MAP3K1: variants seen among roughly 807,000 people sequenced by gnomAD.
MAP3K1 encodes the protein MAP/ERK kinase kinase 1.
A neutral mutation model predicts 144.2 loss-of-function variants in MAP3K1; 36 were observed. The ratio of observed to expected loss-of-function variants is 0.25; its 90% CI spans 0.19 to 0.33. The LOEUF (loss-of-function observed/expected upper bound fraction) is 0.33, where lower values mean the gene tolerates loss of function less well. Ranked by LOEUF, MAP3K1 falls within the 10% of genes least tolerant of loss-of-function variation. MAP3K1 has a pLI of 1.00. For missense variants in MAP3K1, 1,650 were observed against 1,881.9 expected (o/e 0.88, Z 2.28); for synonymous variants, 718 against 688.7 (o/e 1.04, Z -0.67).
At position 56,859,853 on chromosome 5, in the gene MAP3K1, T is replaced by G; in HGVS notation, c.772T>G (p.Ser258Ala). ...RRSPSPGNSP[S>A]GRTVKSESPG... ...CAGTCCTTCTCCTGGCAACTCCCCA[T>G]CAGGTCGCACAGTGAAATCAGAATC... Residue 258 changes from serine (S) to alanine (A), a missense_variant, in exon 3 of 20, where the codon TCA becomes GCA. Physicochemically the swap from Ser to Ala is moderately conservative, Grantham distance 99 (BLOSUM62 1). This residue lies in a region of MAP3K1 where 148 missense variants were observed against 177.2 expected (regional missense o/e 0.84). Coordinates refer to ENST00000399503, the MANE Select transcript of MAP3K1 (RefSeq NM_005921.2). The G allele has an allele frequency of 6.2e-7, 1 of 1,613,792 alleles. No homozygotes were observed. The highest frequency in any genetic ancestry group is 8.5e-7 in the Non-Finnish European group (1 of 1,179,906).
chr5:56,890,482 AATTGCC>A (rs1748515838), intron 19 of MAP3K1, among the ~76,000 whole-genome samples: 1 of 152,156 alleles, frequency 6.6e-6, no homozygotes, highest in South Asian at 2.1e-4. Flanking sequence ...TGGTAGTATA[AATTGCC>A]ATAGCACGTT....
At chr5:56,825,453 A>C (rs1459818131) in intron 1 of MAP3K1, among the ~76,000 whole-genome samples, 5 of 152,144 alleles carry the variant, frequency 3.3e-5, no homozygotes, top group Non-Finnish European at 1.5e-5. Flanking sequence ...GGTGCCTAAG[A>C]CATCTTGGCT....
chr5:56,855,123 T>C, intron 1 of MAP3K1, among the ~76,000 whole-genome samples: 1 of 151,636 alleles, frequency 6.6e-6, no homozygotes. Flanking sequence ...CCCTCCTCCT[T>C]TTTCTCCTCC....
In MAP3K1 at chr5:56,859,731, C is replaced by T. The variant is rs2111873746; in HGVS notation, c.650C>T (p.Pro217Leu). Residue 217 changes from proline (P) to leucine (L), a missense_variant, in exon 3 of 20, where the codon CCA becomes CTA. Transcript: ENST00000399503. Reference protein sequence around the residue: ...RRGPVVVKPIPVKGDGSEMNH... With the variant: ...RRGPVVVKPILVKGDGSEMNH... ...TTGATTCAGGTGGTAAAACCAATCC[C>T]AGTTAAAGGAGATGGATCTGAAATG... 6.2e-7 allele frequency: 1 copy of T among 1,613,672 alleles called. No individual in the cohort carries two copies.
chr5:56,847,913 C>T (rs548817198), intron 1 of MAP3K1, among the ~76,000 whole-genome samples: 30 of 152,230 alleles, frequency 2.0e-4, no homozygotes, highest in Non-Finnish European at 2.9e-4. Flanking sequence ...TTAGAAATCC[C>T]TTCAAGTTTA....
At chr5:56,873,481 T>A (rs1254440016) in intron 9 of MAP3K1, among the ~76,000 whole-genome samples, 1 of 152,186 alleles carries the variant, frequency 6.6e-6, no homozygotes, top group Non-Finnish European at 1.5e-5. Context: ...CTTGAGTTCA[T>A]CATTTTTATT....
Position 56,882,393 on chromosome 5 carries a change from C to T in MAP3K1, c.3193C>T (p.Pro1065Ser). 1 of 1,614,106 alleles carries T rather than the reference C, an allele frequency of 6.2e-7. No homozygotes were observed. The change falls in exon 14 of 20, where the codon CCT becomes TCT. Residue 1065 changes from proline (P) to serine (S), a missense_variant. Coordinates refer to ENST00000399503, the MANE Select transcript of MAP3K1 (RefSeq NM_005921.2). ...CATACACAGGCCAAAGCCATCTAGA[C>T]CTACCCCAGGTAATACAAGTAAACA... The part of the protein sequence containing the change: ...SNIHRPKPSR[P>S]TPGNTSKQGD...
At chr5:56,886,393 G>A (rs1442768627) in intron 17 of MAP3K1, among the ~76,000 whole-genome samples, 3 of 152,110 alleles carry the variant, frequency 2.0e-5, no homozygotes, top group East Asian at 3.9e-4. Flanking sequence ...GACAGAGTGA[G>A]ACTCTGTCTC....
chr5:56,833,124 C>T (rs1222572508), intron 1 of MAP3K1, among the ~76,000 whole-genome samples: 7 of 152,214 alleles, frequency 4.6e-5, no homozygotes, highest in African/African-American at 1.7e-4. Flanking sequence ...CCTGCCTCAG[C>T]CTCCCAAAGT....
intron 9 of MAP3K1, among the ~76,000 whole-genome samples, 181 bp downstream of exon 9, chr5:56,873,186 C>T (rs1747913019): frequency 6.6e-6 from 1 of 152,126 alleles, no homozygotes; most frequent in Admixed American, 6.6e-5. Flanking sequence ...GCTTATTGTA[C>T]AGCTTCAACT....
At chr5:56,868,707 A>G (rs1747754715) in intron 6 of MAP3K1, among the ~76,000 whole-genome samples, 1 of 152,196 alleles carries the variant, frequency 6.6e-6, no homozygotes, top group African/African-American at 2.4e-5. Context: ...AAAATGTAAA[A>G]ATATGGAAAC....
intron 1 of MAP3K1, among the ~76,000 whole-genome samples, chr5:56,841,451 C>A (rs1378046056): frequency 6.6e-6 from 1 of 152,064 alleles, no homozygotes; most frequent in African/African-American, 2.4e-5. Flanking sequence ...TGAGTTAGTA[C>A]AAGGGGTCTG....
intron 1 of MAP3K1, among the ~76,000 whole-genome samples, chr5:56,847,527 T>A (rs1312901491): frequency 6.6e-6 from 1 of 152,010 alleles, no homozygotes; most frequent in Non-Finnish European, 1.5e-5. Flanking sequence ...ACCTGGGAGG[T>A]GGAGGCTGCA....
intron 1 of MAP3K1, among the ~76,000 whole-genome samples, chr5:56,816,311 C>T (rs908406461): frequency 7.9e-5 from 12 of 152,054 alleles, no homozygotes; most frequent in Non-Finnish European, 1.6e-4. Context: ...GTGCGAGCCT[C>T]TCTGCGGGGA....
chr5:56,872,637 T>C lies in MAP3K1; in HGVS notation c.1424-4T>C. The C allele has an allele frequency of 5.7e-6, 9 of 1,569,890 alleles. No individual in the cohort carries two copies. The highest frequency in any genetic ancestry group is 7.9e-6 in the Non-Finnish European group (9 of 1,142,242). On this transcript the variant is annotated splice_region_variant and splice_polypyrimidine_tract_variant and intron_variant, in intron 7 of 19. Coordinates refer to ENST00000399503, the MANE Select transcript of MAP3K1 (RefSeq NM_005921.2). Reference sequence around the variant, plus strand: ...TGTAAGATTTTGTTTCTGTAATTTTTCAGGGGCAGAAGAGTGTAGAAGAAA... The same window carrying C: ...TGTAAGATTTTGTTTCTGTAATTTTCCAGGGGCAGAAGAGTGTAGAAGAAA...
At chr5:56,866,131 C>T (rs182637468) in intron 6 of MAP3K1, among the ~76,000 whole-genome samples, 154 bp downstream of exon 6, 31 of 152,224 alleles carry the variant, frequency 2.0e-4, no homozygotes, top group Non-Finnish European at 4.1e-4. Flanking sequence ...ACTAAAAGTT[C>T]GCTGGGCATG....
At position 56,875,180 on chromosome 5, in the gene MAP3K1, G is replaced by A. The variant is rs2111921039; in HGVS notation, c.1835G>A (p.Ser612Asn). Reference sequence around the variant, plus strand: ...GGAAATTCTGGGGGCAGCAGTGGAAGCAGCCCGAGTGGGGGAGCCACCAGT... The same window carrying A: ...GGAAATTCTGGGGGCAGCAGTGGAAACAGCCCGAGTGGGGGAGCCACCAGT... Reference protein sequence around the residue: ...STGNSGGSSGSSPSGGATSGS... With the variant: ...STGNSGGSSGNSPSGGATSGS... Residue 612 changes from serine (S) to asparagine (N), a missense_variant, in exon 10 of 20, where the codon AGC becomes AAC. Around this residue, in one of 6 missense-constraint regions of MAP3K1, gnomAD observed 841 missense variants for 886.5 expected, o/e 0.95. Coordinates refer to ENST00000399503, the MANE Select transcript of MAP3K1 (RefSeq NM_005921.2). 6.2e-7 allele frequency: 1 copy of A among 1,614,204 alleles called. No homozygotes were observed. Among genetic ancestry groups the A allele is most frequent in the Non-Finnish European group, 8.5e-7 (1 of 1,180,028 alleles).
rs572585390 is a variant in MAP3K1 at position 56,887,372 on chromosome 5, T to C, written c.4115-6T>C. 3 of 1,614,146 alleles carry C rather than the reference T, an allele frequency of 1.9e-6. No homozygotes were observed. The highest frequency in any genetic ancestry group is 4.5e-5 in the East Asian group (2 of 44,886). On this transcript the variant is annotated splice_region_variant and splice_polypyrimidine_tract_variant and intron_variant, in intron 17 of 19. Transcript: ENST00000399503. ...ATACAAGGTCATTTGCTGTGTTTGT[T>C]GACAGGTGCCAATTTGCTAATTGAC...
At chr5:56,859,181 A>G (rs891018844) in intron 2 of MAP3K1, among the ~76,000 whole-genome samples, 10 of 129,674 alleles carry the variant, frequency 7.7e-5, no homozygotes, top group Non-Finnish European at 1.6e-4. Context: ...CTATTATTGT[A>G]ATATAACATT....
Sources: allele counts gnomAD v4.1 joint callset (sites outside exome capture counted in the v4.1 genomes callset), GRCh38; gene constraint gnomAD v4.1.1; regional missense constraint gnomAD v4.1.1; transcripts MANE v1.5; gene names NCBI Gene and HGNC (gene_info 2026-07-23, HGNC 2026-07-21).